PTPRS: variants seen among roughly 807,000 people sequenced by gnomAD.
The protein encoded by PTPRS is receptor-type tyrosine-protein phosphatase S.
In PTPRS, 63 loss-of-function variants were observed where a neutral mutation model predicts 215.3. That is an observed-to-expected ratio of 0.29 (90% CI 0.24 to 0.36). The LOEUF is 0.36. Among genes scored for constraint, PTPRS ranks in the 10% least tolerant of loss-of-function variants. The probability of loss-of-function intolerance (pLI) is 1.00; values close to 1 mark genes in which losing one functional copy is unlikely to be tolerated. For synonymous variants in PTPRS, 1,404 were observed against 1,191.4 expected, an observed-to-expected ratio of 1.18 and a Z score of -3.68; for missense variants, 2,258 against 2,825.8, an observed-to-expected ratio of 0.80 and a Z score of 4.56.
chr19:5,310,890 A>T (rs2147152553), intron 1 of PTPRS, among the ~76,000 whole-genome samples: 1 of 151,218 alleles, frequency 6.6e-6, no homozygotes, highest in East Asian at 2.0e-4. Flanking sequence ...ATTTTTATTT[A>T]TTATTATTAT....
intron 16 of PTPRS, among the ~76,000 whole-genome samples, chr19:5,228,345 G>GGAAAAAAAAAAAAA (rs1555757550): frequency 6.0e-5 from 2 of 33,244 alleles, no homozygotes; most frequent in Non-Finnish European, 1.3e-4. Context: ...ACTCCGTCTG[G>GGAAAAAAAAAAAAA]AGAAAAAAAA....
At chr19:5,303,987 G>A (rs1041049899) in intron 1 of PTPRS, among the ~76,000 whole-genome samples, 23 of 112,734 alleles carry the variant, frequency 2.0e-4, no homozygotes, top group African/African-American at 2.0e-4. Flanking sequence ...ACAGAAGCGC[G>A]GAGGGCTATG....
intron 35 of PTPRS, among the ~76,000 whole-genome samples, chr19:5,208,612 A>G (rs146950415): frequency 6.6e-6 from 1 of 152,050 alleles, no homozygotes; most frequent in Non-Finnish European, 1.5e-5. Flanking sequence ...CCTCCCGATT[A>G]GCTGGGATTA....
In PTPRS at chr19:5,231,595, C is replaced by G; in HGVS notation, c.1870G>C (p.Asp624His). ...GAGCGCACGCTGACACATTTAACGT[C>G]TTGAGGGGGGGCTGACGGTTCTATT... Reference protein sequence around the residue: ...LQSKPSAPPQDVKCVSVRSTA... With the variant: ...LQSKPSAPPQHVKCVSVRSTA... Residue 624 changes from aspartate to histidine, a missense_variant, in exon 14 of 38, where the codon GAC becomes CAC. Transcript: ENST00000262963. 1 of 1,533,392 alleles carries G rather than the reference C, an allele frequency of 6.5e-7. No homozygotes were observed. Among genetic ancestry groups the G allele is most frequent in the Non-Finnish European group, 8.7e-7 (1 of 1,147,598 alleles). The allele number at this position is 1,533,392 out of a possible 1,614,324, so 95.0% of individuals were successfully genotyped here. A position where few individuals can be genotyped will look rare whatever the true frequency, so the allele number is the denominator to read the frequency against.
intron 15 of PTPRS, 30 bp downstream of exon 15, chr19:5,229,460 GT>G: frequency 7.3e-7 from 1 of 1,361,420 alleles, no homozygotes; most frequent in African/African-American, 1.5e-5. Flanking sequence ...CCCGGAGCCC[GT>G]CCCCGGCCCC....
At chr19:5,266,380 A>C (rs985352239) in intron 4 of PTPRS, among the ~76,000 whole-genome samples, 8 of 152,012 alleles carry the variant, frequency 5.3e-5, no homozygotes, top group African/African-American at 1.9e-4. Context: ...TGACCTCCCA[A>C]AGCATTGGGA....
chr19:5,234,619 G>A (rs570631541), intron 13 of PTPRS, among the ~76,000 whole-genome samples: 24 of 152,340 alleles, frequency 1.6e-4, no homozygotes, highest in Middle Eastern at 6.8e-3. Flanking sequence ...CTATGTGCCA[G>A]GCACTGTGCC....
At position 5,339,542 on chromosome 19, in the gene PTPRS, T is replaced by A; in HGVS notation, c.-95+1122A>T. The stretch of plus-strand genomic sequence containing the variant: ...CCAATTTGGGAAGGGGGGGAATTGG[T>A]GGGAAATGTCCAGGATTTGTAGGGG... On this transcript the variant is annotated intron_variant, in intron 1 of 37. Coordinates refer to ENST00000262963, the MANE Select transcript of PTPRS (RefSeq NM_002850.4). The surrounding 1 kb of genome is among the most constrained non-coding windows in gnomAD (Gnocchi z 4.2). Among the ~76,000 whole-genome samples the A allele has an allele frequency of 6.7e-6, 1 of 148,628 alleles. No homozygotes were observed. Among genetic ancestry groups the A allele is most frequent in the Non-Finnish European group, 1.5e-5 (1 of 66,888 alleles).
chr19:5,277,035 T>G (rs2146668779), intron 2 of PTPRS, among the ~76,000 whole-genome samples: 1 of 150,544 alleles, frequency 6.6e-6, no homozygotes, highest in African/African-American at 2.4e-5. Context: ...CTAAGATGAA[T>G]GGAGCTACTG....
At position 5,295,170 on chromosome 19, in the gene PTPRS, G is replaced by A. The variant is rs531370888; in HGVS notation, c.-94-8936C>T. 6.6e-6 allele frequency among the ~76,000 whole-genome samples: 1 copy of A among 152,320 alleles called. No homozygotes were observed. The highest frequency in any genetic ancestry group is 2.4e-5 in the African/African-American group (1 of 41,586). ...GTCAAGAAAGCACCCGTACCTCTCG[G>A]GCCGACAGTTTCCCCATCTGCCACA... On this transcript the variant is annotated intron_variant, in intron 1 of 37. Coordinates refer to ENST00000262963, the MANE Select transcript of PTPRS (RefSeq NM_002850.4). This position sits in a 1 kb window ranked among gnomAD's most constrained non-coding sequence, Gnocchi z 4.6.
chr19:5,291,910 C>T (rs2048850301), intron 1 of PTPRS, among the ~76,000 whole-genome samples: 1 of 151,766 alleles, frequency 6.6e-6, no homozygotes, highest in South Asian at 2.1e-4. Context: ...ACACCTTGAT[C>T]CCCCCCACTT....
intron 2 of PTPRS, among the ~76,000 whole-genome samples, chr19:5,275,544 A>T (rs185349591): frequency 1.3e-5 from 2 of 148,784 alleles, no homozygotes; most frequent in Non-Finnish European, 3.0e-5. Flanking sequence ...AGGCCATCAC[A>T]TCTGTAACCC....
chr19:5,257,340 G>A lies in PTPRS; in HGVS notation c.706+677C>T, dbSNP rs771966452. 5.2e-5 allele frequency: 23 copies of A among 440,806 alleles called. No homozygotes were observed. The highest frequency in any genetic ancestry group is 9.2e-5 in the Non-Finnish European group (20 of 216,720). 27.3% of individuals were successfully genotyped at this position (440,806 alleles called of 1,614,324 possible). On this transcript the variant is annotated intron_variant, in intron 8 of 37. Transcript: ENST00000262963. This position sits in a 1 kb window ranked among gnomAD's most constrained non-coding sequence, Gnocchi z 4.4. ...AGAGTAACAAGCTTCGCTGGGTGCCGTGCCTGCCCCAGCTCGGTGCAACTA... is the reference window on the plus strand; with the variant it reads ...AGAGTAACAAGCTTCGCTGGGTGCCATGCCTGCCCCAGCTCGGTGCAACTA...
intron 5 of PTPRS, among the ~76,000 whole-genome samples, chr19:5,264,706 A>G (rs1385895599): frequency 6.6e-6 from 1 of 151,980 alleles, no homozygotes; most frequent in Non-Finnish European, 1.5e-5. Context: ...CCATGGCCCT[A>G]TATAACTCCC....
intron 1 of PTPRS, among the ~76,000 whole-genome samples, chr19:5,320,061 G>A (rs1482722383): frequency 2.0e-5 from 3 of 152,200 alleles, no homozygotes; most frequent in Admixed American, 6.5e-5. Context: ...GATGGAAAGC[G>A]CAAAATCGGA....
chr19:5,238,863 C>A, intron 13 of PTPRS, 56 bp downstream of exon 13: 1 of 1,501,108 alleles, frequency 6.7e-7, no homozygotes. Flanking sequence ...GAGGGGCTGT[C>A]TGCGGTCAGG....
chr19:5,318,583 C>T (rs2049941613), intron 1 of PTPRS, among the ~76,000 whole-genome samples: 1 of 152,238 alleles, frequency 6.6e-6, no homozygotes, highest in African/African-American at 2.4e-5. Flanking sequence ...TCGAAAGGCA[C>T]ACAGAGCTGT....
chr19:5,282,109 C>T (rs2047902498), intron 2 of PTPRS, among the ~76,000 whole-genome samples: 1 of 151,958 alleles, frequency 6.6e-6, no homozygotes, highest in Non-Finnish European at 1.5e-5. Flanking sequence ...GCCTTGGTTC[C>T]CTGGGACCTC....
chr19:5,305,766 T>TATATA (rs372468377), intron 1 of PTPRS, among the ~76,000 whole-genome samples: 3,781 of 109,644 alleles, frequency 0.034, 94 homozygotes, highest in African/African-American at 0.048. Flanking sequence ...TATATATATA[T>TATATA]TTTTTTTTTA....
Sources: allele counts gnomAD v4.1 joint callset (sites outside exome capture counted in the v4.1 genomes callset), GRCh38; gene constraint gnomAD v4.1.1; non-coding constraint Gnocchi (gnomAD v3.1); transcripts MANE v1.5; gene names NCBI Gene and HGNC (gene_info 2026-07-23, HGNC 2026-07-21).